MAPK10: variants seen among roughly 807,000 people sequenced by gnomAD.
MAPK10 encodes JNK3 alpha protein kinase.
A neutral mutation model predicts 59.3 loss-of-function variants in MAPK10; 25 were observed. The observed-to-expected ratio is 0.42, with a 90% CI of 0.31 to 0.59. The LOEUF (loss-of-function observed/expected upper bound fraction) is 0.59, where lower values mean the gene tolerates loss of function less well. MAPK10 is among the 20% of genes least tolerant of loss of function. MAPK10 has a pLI of 0.15. For synonymous variants in MAPK10, 190 were observed against 200.5 expected (o/e 0.95, Z 0.44); for missense variants, 351 against 568.9 (o/e 0.62, Z 3.90).
At chr4:86,474,420 A>G (rs1752901543) in intron 1 of MAPK10, among the ~76,000 whole-genome samples, 1 of 152,216 alleles carries the variant, frequency 6.6e-6, no homozygotes. Context: ...CATAAAATGA[A>G]ACTCAAATGA....
At chr4:86,027,929 C>T (rs1751177372) in intron 13 of MAPK10, 1 of 152,196 alleles carries the variant, frequency 6.6e-6, no homozygotes, top group African/African-American at 2.4e-5. Flanking sequence ...GTAATGATAA[C>T]TTGAACTGAA....
At chr4:86,018,933 G>T (rs1744830156) in intron 13 of MAPK10, among the ~76,000 whole-genome samples, 1 of 152,158 alleles carries the variant, frequency 6.6e-6, no homozygotes, top group Admixed American at 6.5e-5. Context: ...AAGGGGAGTG[G>T]TTAACATAAT....
intron 8 of MAPK10, chr4:86,099,242 G>GA (rs2054855900): frequency 6.6e-6 from 1 of 152,046 alleles, no homozygotes; most frequent in South Asian, 2.1e-4. Context: ...AATATTTCAA[G>GA]AAAAAAGACA....
chr4:86,169,788 G>A (rs747277489), intron 3 of MAPK10, among the ~76,000 whole-genome samples: 1 of 151,750 alleles, frequency 6.6e-6, no homozygotes, highest in Non-Finnish European at 1.5e-5. Context: ...TGAAATGAAG[G>A]AAAAAATGTT....
intron 1 of MAPK10, among the ~76,000 whole-genome samples, chr4:86,391,976 T>C (rs1188644680): frequency 6.6e-6 from 1 of 152,200 alleles, no homozygotes; most frequent in African/African-American, 2.4e-5. Context: ...GGATTGAGTA[T>C]TAGACCTATA....
intron 11 of MAPK10, among the ~76,000 whole-genome samples, chr4:86,046,571 AC>A (rs2042544689): frequency 6.6e-6 from 1 of 152,174 alleles, no homozygotes; most frequent in Non-Finnish European, 1.5e-5. Context: ...ACAAGTATGA[AC>A]CATTGATGAA....
At chr4:86,490,970 G>C (rs886385006) in intron 1 of MAPK10, among the ~76,000 whole-genome samples, 1 of 152,168 alleles carries the variant, frequency 6.6e-6, no homozygotes, top group Admixed American at 6.5e-5. Flanking sequence ...ATACAGAGTC[G>C]CTGACTTTAA....
intron 1 of MAPK10, among the ~76,000 whole-genome samples, chr4:86,459,280 C>G (rs910693185): frequency 6.6e-6 from 1 of 152,142 alleles, no homozygotes; most frequent in East Asian, 1.9e-4. Context: ...ATGCAGTGAA[C>G]AGGGAACACT....
At chr4:86,081,953 A>C (rs983817043) in intron 9 of MAPK10, 9 of 152,138 alleles carry the variant, frequency 5.9e-5, no homozygotes, top group African/African-American at 2.2e-4. Context: ...ATAGATACTC[A>C]TAGACTGAAA....
chr4:86,460,305 G>A (rs993003682), intron 1 of MAPK10, among the ~76,000 whole-genome samples: 6 of 152,158 alleles, frequency 3.9e-5, no homozygotes, highest in Admixed American at 1.3e-4. Flanking sequence ...CCAGAGATGT[G>A]CCTGAAGAAG....
rs563286009 is a variant in MAPK10 at position 86,590,526 on chromosome 4, G to A, written c.-263+3384C>T. Among the ~76,000 whole-genome samples, 5 of 152,278 alleles carry A rather than the reference G, an allele frequency of 3.3e-5. No individual in the cohort carries two copies. In the South Asian group the frequency reaches 1.0e-3, roughly 32 times the overall value. ...AGGCTGGGTGTGGTGGGTCACACCT[G>A]TAATCCCAGCAATTTGGGAGGCCAA... On this transcript the variant is annotated intron_variant, in intron 1 of 4. Coordinates refer to the MAPK10 transcript ENST00000502302.
chr4:86,141,069 T>G (rs2063538183), intron 4 of MAPK10, among the ~76,000 whole-genome samples: 1 of 152,216 alleles, frequency 6.6e-6, no homozygotes, highest in Admixed American at 6.5e-5. Context: ...ATGAGGAAAT[T>G]AAGGCCTAAA....
chr4:86,317,369 T>C (rs754878487), intron 2 of MAPK10, among the ~76,000 whole-genome samples: 2 of 152,138 alleles, frequency 1.3e-5, no homozygotes, highest in Admixed American at 6.6e-5. Context: ...TACTCTGCCC[T>C]CCTTAGTCCT....
intron 1 of MAPK10, among the ~76,000 whole-genome samples, chr4:86,582,233 C>T (rs116755775): frequency 0.03 from 4,502 of 151,770 alleles, 86 homozygotes; most frequent in Non-Finnish European, 0.05. Context: ...TTAAAAATCC[C>T]TTTTGAGAAG....
intron 1 of MAPK10, among the ~76,000 whole-genome samples, chr4:86,420,994 A>T (rs2149033270): frequency 6.6e-6 from 1 of 152,024 alleles, no homozygotes; most frequent in South Asian, 2.1e-4. Flanking sequence ...AGGCAGGAGA[A>T]TCGCTTGAAC....
At chr4:86,368,942 C>T (rs887426060) in intron 1 of MAPK10, among the ~76,000 whole-genome samples, 6 of 152,072 alleles carry the variant, frequency 3.9e-5, no homozygotes, top group African/African-American at 1.4e-4. Flanking sequence ...ATAGAAAACG[C>T]CCTTTTCTTA....
intron 1 of MAPK10, among the ~76,000 whole-genome samples, chr4:86,588,591 A>C (rs1762797059): frequency 6.6e-6 from 1 of 152,192 alleles, no homozygotes; most frequent in Admixed American, 6.5e-5. Flanking sequence ...AACTATCAAC[A>C]ATAAGGCAAT....
chr4:86,296,811 T>C (rs1032779695), intron 2 of MAPK10, among the ~76,000 whole-genome samples: 1 of 152,234 alleles, frequency 6.6e-6, no homozygotes, highest in Non-Finnish European at 1.5e-5. Flanking sequence ...ATTTTATGCA[T>C]CTGATGATGC....
At chr4:86,036,409 C>T (rs2040306674) in intron 11 of MAPK10, among the ~76,000 whole-genome samples, 2 of 149,956 alleles carry the variant, frequency 1.3e-5, no homozygotes, top group African/African-American at 4.9e-5. Flanking sequence ...GATCTACTCT[C>T]TCAAGTCTCT....
Sources: allele counts gnomAD v4.1 joint callset (sites outside exome capture counted in the v4.1 genomes callset), GRCh38; gene constraint gnomAD v4.1.1; transcripts MANE v1.5; gene names NCBI Gene and HGNC (gene_info 2026-07-23, HGNC 2026-07-21).